IGSF21: variants seen among roughly 807,000 people sequenced by gnomAD.
The protein encoded by IGSF21 is immunoglobulin superfamily member 21.
A neutral mutation model predicts 46.8 loss-of-function variants in IGSF21; 28 were observed. That is an observed-to-expected ratio of 0.60 (90% CI 0.44 to 0.82). The LOEUF is 0.82. Ranked by LOEUF, IGSF21 falls within the 40% of genes least tolerant of loss-of-function variation. The probability of loss-of-function intolerance (pLI) is 0.00; values close to 1 mark genes in which losing one functional copy is unlikely to be tolerated. For synonymous variants in IGSF21, 284 were observed against 273.6 expected (o/e 1.04, Z -0.38); for missense variants, 624 against 665.5 (o/e 0.94, Z 0.69).
At chr1:18,216,863 ATATT>A (rs948940131) in intron 1 of IGSF21, among the ~76,000 whole-genome samples, 2 of 152,118 alleles carry the variant, frequency 1.3e-5, no homozygotes, top group African/African-American at 4.8e-5. Context: ...TGTTGTAATA[ATATT>A]TATTACAATA....
intron 3 of IGSF21, among the ~76,000 whole-genome samples, chr1:18,305,368 C>T (rs914402943): frequency 1.9e-4 from 25 of 128,310 alleles, no homozygotes; most frequent in Non-Finnish European, 3.2e-4. Flanking sequence ...GATGCATGGA[C>T]GGATGGATGG....
rs561198066 is a variant in IGSF21, at chr1:18,156,484, G to A, written c.70+48286G>A. On this transcript the variant is annotated intron_variant, in intron 1 of 9. Transcript: ENST00000251296. ...AATGCAGTCCCCTGGCTCTAAGCCC[G>A]AGTGCTGTTTCTTCCAGAAAGCAAC... 2.6e-5 allele frequency among the ~76,000 whole-genome samples: 4 copies of A among 152,300 alleles called. No homozygotes were observed. In the South Asian group the frequency reaches 6.2e-4, roughly 24 times the overall value.
At chr1:18,210,893 A>G (rs2084385142) in intron 1 of IGSF21, among the ~76,000 whole-genome samples, 1 of 152,012 alleles carries the variant, frequency 6.6e-6, no homozygotes, top group Non-Finnish European at 1.5e-5. Context: ...TTGGAGACAG[A>G]GTCTCACTCT....
At chr1:18,263,359 G>T (rs2084963558) in intron 2 of IGSF21, among the ~76,000 whole-genome samples, 2 of 152,068 alleles carry the variant, frequency 1.3e-5, no homozygotes, top group Non-Finnish European at 2.9e-5. Context: ...GGAAGAAAGA[G>T]TGTGGGGGTC....
intron 4 of IGSF21, among the ~76,000 whole-genome samples, chr1:18,352,054 T>C (rs575019970): frequency 9.2e-5 from 14 of 152,166 alleles, no homozygotes; most frequent in Non-Finnish European, 1.8e-4. Context: ...GTTGCACCGG[T>C]TGTGGGGAGT....
Sources: gnomAD v4.1 joint callset for allele counts (sites outside exome capture counted in the v4.1 genomes callset) on GRCh38, gnomAD v4.1.1 for gene constraint, MANE v1.5 for transcripts, NCBI Gene and HGNC (gene_info 2026-07-23, HGNC 2026-07-21) for gene names.